The following LINGO2 variants were observed in gnomAD, a reference collection of about 807,000 sequenced individuals.
LINGO2 encodes the protein leucine-rich repeat and immunoglobulin-like domain-containing nogo receptor-interacting protein 2.
Under a neutral mutation model 30.6 loss-of-function variants are expected in LINGO2, and 14 were observed. That is an observed-to-expected ratio of 0.46 (90% CI 0.30 to 0.72). The LOEUF (loss-of-function observed/expected upper bound fraction) is 0.72. Ranked by LOEUF, LINGO2 falls within the 30% of genes least tolerant of loss-of-function variation. The pLI is 0.07. For missense variants in LINGO2, 729 were observed against 751.7 expected (o/e 0.97, Z 0.35); for synonymous variants, 317 against 288.5 (o/e 1.10, Z -1.00).
At chr9:28,053,389 A>T (rs1230795769) in intron 4 of LINGO2, among the ~76,000 whole-genome samples, 1 of 140,998 alleles carries the variant, frequency 7.1e-6, no homozygotes, top group Non-Finnish European at 1.5e-5. Context: ...GCAAGATCAT[A>T]AAAAAACTGC....
At chr9:28,230,223 A>C (rs1320743999) in intron 4 of LINGO2, among the ~76,000 whole-genome samples, 2 of 151,884 alleles carry the variant, frequency 1.3e-5, no homozygotes, top group African/African-American at 4.8e-5. Flanking sequence ...GTGTGTATGC[A>C]GTTAATTAAA....
intron 2 of LINGO2, among the ~76,000 whole-genome samples, chr9:28,373,269 G>A (rs891332029): frequency 4.6e-5 from 7 of 152,066 alleles, no homozygotes; most frequent in East Asian, 1.9e-4. Flanking sequence ...TTATTTTAAG[G>A]TGCTATTACA....
intron 3 of LINGO2, among the ~76,000 whole-genome samples, chr9:28,317,911 G>C (rs535790797): frequency 1.7e-4 from 26 of 152,206 alleles, no homozygotes; most frequent in African/African-American, 6.3e-4. Flanking sequence ...CCTTTGTTGG[G>C]ACTAAGCATA....
At chr9:28,270,353 T>A (rs1822896884) in intron 4 of LINGO2, among the ~76,000 whole-genome samples, 1 of 151,978 alleles carries the variant, frequency 6.6e-6, no homozygotes, top group Admixed American at 6.6e-5. Context: ...TCCAGATCAG[T>A]GGGAGGAGGC....
intron 4 of LINGO2, among the ~76,000 whole-genome samples, chr9:28,197,764 T>A (rs911404138): frequency 4.6e-5 from 7 of 151,830 alleles, no homozygotes; most frequent in Non-Finnish European, 1.0e-4. Flanking sequence ...AATCAAAAGA[T>A]AAATGGCAAA....
chr9:28,910,099 C>A, the LINGO2 span, among the ~76,000 whole-genome samples: 11 of 152,088 alleles, frequency 7.2e-5, no homozygotes, highest in South Asian at 2.1e-4. Context: ...AAATAATATT[C>A]TTTTCTCTCC....
intron 1 of LINGO2, among the ~76,000 whole-genome samples, chr9:28,658,862 A>C (rs1161491986): frequency 6.6e-6 from 1 of 152,062 alleles, no homozygotes; most frequent in Admixed American, 6.6e-5. Context: ...ATGGTTATGA[A>C]AAACACATTA....
intron 4 of LINGO2, among the ~76,000 whole-genome samples, chr9:28,032,205 T>TA (rs142688271): frequency 0.031 from 4,338 of 141,924 alleles, 185 homozygotes; most frequent in African/African-American, 0.096. Context: ...ATTCAAGTCT[T>TA]AAAAAAAAAA....
At chr9:29,181,706 A>G in the LINGO2 span, among the ~76,000 whole-genome samples, 1 of 152,160 alleles carries the variant, frequency 6.6e-6, no homozygotes, top group Non-Finnish European at 1.5e-5. Flanking sequence ...GAAATCAAAC[A>G]ATAGACTTTC....
chr9:29,162,715 A>T, the LINGO2 span, among the ~76,000 whole-genome samples: 1 of 152,202 alleles, frequency 6.6e-6, no homozygotes, highest in African/African-American at 2.4e-5. Flanking sequence ...TTGGATAAAC[A>T]TCCATTATAA....
the LINGO2 span, among the ~76,000 whole-genome samples, chr9:29,122,612 T>C: frequency 6.6e-6 from 1 of 152,278 alleles, no homozygotes; most frequent in East Asian, 1.9e-4. Flanking sequence ...TTATTTAGTG[T>C]TCTTGAAGAT....
the LINGO2 span, among the ~76,000 whole-genome samples, chr9:28,983,006 T>C: frequency 6.6e-6 from 1 of 151,874 alleles, no homozygotes. Flanking sequence ...TCGCCTACTT[T>C]TTCCCAATAT....
intron 3 of LINGO2, among the ~76,000 whole-genome samples, chr9:28,300,879 C>T (rs979883705): frequency 6.7e-5 from 10 of 150,202 alleles, no homozygotes; most frequent in African/African-American, 2.5e-4. Context: ...CTACATTGAA[C>T]ATGTCAGAAC....
the LINGO2 span, among the ~76,000 whole-genome samples, chr9:29,145,069 G>C: frequency 6.6e-6 from 1 of 152,074 alleles, no homozygotes; most frequent in African/African-American, 2.4e-5. Flanking sequence ...AGAATAGCTT[G>C]TTTAGTTTTA....
the LINGO2 span, among the ~76,000 whole-genome samples, chr9:28,860,757 T>C: frequency 2.0e-5 from 3 of 148,694 alleles, no homozygotes; most frequent in Non-Finnish European, 3.0e-5. Context: ...ATGAATACAA[T>C]AGATATAGTC....
the LINGO2 span, among the ~76,000 whole-genome samples, chr9:29,137,218 A>T: frequency 6.6e-6 from 1 of 152,120 alleles, no homozygotes; most frequent in Non-Finnish European, 1.5e-5. Flanking sequence ...CCACTTAACC[A>T]TGACTTTAAG....
the LINGO2 span, among the ~76,000 whole-genome samples, chr9:29,040,596 T>G: frequency 6.6e-6 from 1 of 151,636 alleles, no homozygotes; most frequent in Non-Finnish European, 1.5e-5. Context: ...AATTATCATA[T>G]AATTTCCAAA....
At chr9:28,384,095 A>C (rs974235902) in intron 2 of LINGO2, among the ~76,000 whole-genome samples, 1 of 151,836 alleles carries the variant, frequency 6.6e-6, no homozygotes, top group East Asian at 1.9e-4. Flanking sequence ...ATATTACTAT[A>C]TTACTGATCT....
intron 4 of LINGO2, among the ~76,000 whole-genome samples, chr9:28,066,496 T>C (rs1275193831): frequency 6.6e-6 from 1 of 152,128 alleles, no homozygotes; most frequent in African/African-American, 2.4e-5. Flanking sequence ...TCTCAGTCCC[T>C]ACGGGGCTTC....
Sources: gnomAD v4.1 joint callset for allele counts (sites outside exome capture counted in the v4.1 genomes callset) on GRCh38, gnomAD v4.1.1 for gene constraint, MANE v1.5 for transcripts, NCBI Gene and HGNC (gene_info 2026-07-23, HGNC 2026-07-21) for gene names.